BCAS4: variants seen among roughly 807,000 people sequenced by gnomAD.
The protein encoded by BCAS4 is breast carcinoma amplified sequence 4, also known as breast carcinoma-amplified sequence 4.
BCAS4 carries 9 observed loss-of-function variants against 15.7 expected under a neutral mutation model. That is an observed-to-expected ratio of 0.57 (90% CI 0.34 to 1.00). The LOEUF (loss-of-function observed/expected upper bound fraction) is 1.00. Among genes scored for constraint, BCAS4 ranks in the 50% least tolerant of loss-of-function variants. The pLI, the probability that BCAS4 is intolerant of heterozygous loss-of-function variation, is 0.02. For missense variants in BCAS4, 225 were observed against 239.1 expected (o/e 0.94, Z 0.39); for synonymous variants, 101 against 99.5 (o/e 1.02, Z -0.09).
chr20:50,870,882 G>A (rs1979604095), intron 4 of BCAS4, among the ~76,000 whole-genome samples: 1 of 152,200 alleles, frequency 6.6e-6, no homozygotes, highest in Non-Finnish European at 1.5e-5. Context: ...TGGCAGAGGC[G>A]GGCCTTGGGC....
chr20:50,870,818 G>A (rs537794618), intron 4 of BCAS4, among the ~76,000 whole-genome samples: 3 of 152,376 alleles, frequency 2.0e-5, no homozygotes, highest in African/African-American at 4.8e-5. Flanking sequence ...AGGGAGCTGC[G>A]GGGGTGTGGG....
intron 4 of BCAS4, among the ~76,000 whole-genome samples, chr20:50,846,980 G>A (rs954924532): frequency 6.6e-6 from 1 of 152,078 alleles, no homozygotes; most frequent in East Asian, 1.9e-4. Flanking sequence ...TCAGTGAGCC[G>A]GCACGGGCAG....
chr20:50,840,706 T>C, intron 3 of BCAS4: 1 of 1,612,964 alleles, frequency 6.2e-7, no homozygotes, highest in Non-Finnish European at 8.5e-7. Context: ...CAGTTTCGAC[T>C]TATCGAATTT....
At chr20:50,875,055 C>T (rs1979853027) in intron 4 of BCAS4, among the ~76,000 whole-genome samples, 2 of 152,204 alleles carry the variant, frequency 1.3e-5, no homozygotes, top group Non-Finnish European at 2.9e-5. Flanking sequence ...TCTTCTGGTG[C>T]AGGCCGTGGT....
At chr20:50,835,021 G>C (rs1276355294) in intron 3 of BCAS4, among the ~76,000 whole-genome samples, 1 of 152,134 alleles carries the variant, frequency 6.6e-6, no homozygotes, top group African/African-American at 2.4e-5. Flanking sequence ...GAACGTTTGC[G>C]TACAAGTTTT....
intron 3 of BCAS4, among the ~76,000 whole-genome samples, chr20:50,835,156 A>G (rs995711991): frequency 6.6e-6 from 1 of 152,132 alleles, no homozygotes; most frequent in Admixed American, 6.5e-5. Context: ...AAGTGACTAC[A>G]CCATTTTGAA....
At chr20:50,806,862 CTTTTTTTTTTTT>C (rs34670373) in intron 1 of BCAS4, among the ~76,000 whole-genome samples, 3 of 83,356 alleles carry the variant, frequency 3.6e-5, no homozygotes, top group African/African-American at 6.2e-5. Context: ...TCCATTTATA[CTTTTTTTTTTTT>C]TTTTTTTTTT....
intron 4 of BCAS4, among the ~76,000 whole-genome samples, chr20:50,870,332 G>A (rs541155094): frequency 1.1e-4 from 17 of 152,314 alleles, no homozygotes; most frequent in African/African-American, 3.6e-4. Context: ...GTAGAAACAG[G>A]GCAGCACAGG....
At chr20:50,819,050 G>C (rs1002775588) in intron 2 of BCAS4, among the ~76,000 whole-genome samples, 1 of 152,124 alleles carries the variant, frequency 6.6e-6, no homozygotes, top group African/African-American at 2.4e-5. Context: ...GGGTGTGGTG[G>C]CAGGCGCCTG....
intron 3 of BCAS4, among the ~76,000 whole-genome samples, chr20:50,833,496 T>C (rs1356310125): frequency 6.6e-6 from 1 of 152,190 alleles, no homozygotes; most frequent in East Asian, 1.9e-4. Flanking sequence ...ACTCACAAGA[T>C]ACTATTAGCA....
intron 1 of BCAS4, among the ~76,000 whole-genome samples, 194 bp from the exon 2 acceptor site, chr20:50,818,017 A>C (rs578260026): frequency 6.6e-6 from 1 of 151,920 alleles, no homozygotes; most frequent in East Asian, 1.9e-4. Context: ...GGTGGCTTTA[A>C]CCAGTCCTCC....
chr20:50,812,449 TA>T (rs71959685), intron 1 of BCAS4, among the ~76,000 whole-genome samples: 2,634 of 141,432 alleles, frequency 0.019, 99 homozygotes, highest in African/African-American at 0.053. Context: ...TTTTTTTTTT[TA>T]AATTGAGATA....
chr20:50,854,871 C>T (rs1027526503), intron 4 of BCAS4, among the ~76,000 whole-genome samples: 3 of 152,214 alleles, frequency 2.0e-5, no homozygotes, highest in South Asian at 4.1e-4. Flanking sequence ...TCCTGCCATG[C>T]GCTGATGTCG....
At chr20:50,796,437 CTTT>C (rs2087858251) in intron 1 of BCAS4, among the ~76,000 whole-genome samples, 1 of 45,438 alleles carries the variant, frequency 2.2e-5, no homozygotes. Flanking sequence ...TCTCTTTTTT[CTTT>C]TTCTTTTTCT....
chr20:50,858,738 T>TTA (rs1978905799), intron 4 of BCAS4, among the ~76,000 whole-genome samples: 2 of 147,272 alleles, frequency 1.4e-5, no homozygotes, highest in African/African-American at 5.1e-5. Flanking sequence ...TTTTTTTTTT[T>TTA]TTTTTTGGTG....
At chr20:50,812,769 G>A (rs1569020910) in intron 1 of BCAS4, among the ~76,000 whole-genome samples, 4 of 151,930 alleles carry the variant, frequency 2.6e-5, no homozygotes, top group Admixed American at 2.0e-4. Context: ...AATGAATATT[G>A]TGCAAGTTTT....
At chr20:50,839,255 G>A (rs889225946) in intron 3 of BCAS4, among the ~76,000 whole-genome samples, 3 of 152,202 alleles carry the variant, frequency 2.0e-5, no homozygotes, top group African/African-American at 7.2e-5. Flanking sequence ...ACGTGCATAC[G>A]CACACTAACA....
At chr20:50,803,248 C>T (rs2087949982) in intron 1 of BCAS4, among the ~76,000 whole-genome samples, 2 of 152,198 alleles carry the variant, frequency 1.3e-5, no homozygotes, top group Non-Finnish European at 2.9e-5. Context: ...AGTGCCATAG[C>T]GATTCTTCTG....
intron 3 of BCAS4, among the ~76,000 whole-genome samples, chr20:50,838,873 C>G (rs2123802768): frequency 6.6e-6 from 1 of 151,962 alleles, no homozygotes; most frequent in Middle Eastern, 3.4e-3. Context: ...AACAAACACC[C>G]ACACACACAA....
Sources: gnomAD v4.1 joint callset for allele counts (sites outside exome capture counted in the v4.1 genomes callset) on GRCh38, gnomAD v4.1.1 for gene constraint, MANE v1.5 for transcripts, NCBI Gene and HGNC (gene_info 2026-07-23, HGNC 2026-07-21) for gene names.